ZZEF1: variants seen among roughly 807,000 people sequenced by gnomAD.
ZZEF1 encodes the protein zinc finger ZZ-type and EF-hand domain-containing protein 1.
Under a neutral mutation model 342.8 loss-of-function variants are expected in ZZEF1, and 157 were observed. The ratio of observed to expected loss-of-function variants is 0.46; its 90% CI spans 0.40 to 0.52. The LOEUF (loss-of-function observed/expected upper bound fraction) is 0.52. ZZEF1 is among the 20% of genes least tolerant of loss of function. ZZEF1 has a pLI of 0.00. For missense variants in ZZEF1, 3,480 were observed against 3,725.6 expected, an observed-to-expected ratio of 0.93 and a Z score of 1.72; for synonymous variants, 1,505 against 1,429.1, an observed-to-expected ratio of 1.05 and a Z score of -1.20.
intron 39 of ZZEF1, among the ~76,000 whole-genome samples, chr17:4,036,575 T>C (rs565265612): frequency 3.3e-5 from 5 of 151,618 alleles, no homozygotes; most frequent in Non-Finnish European, 7.4e-5. Context: ...TCTCTACTAA[T>C]ACAAAAATTA....
chr17:4,021,076 G>A (rs2056256849), intron 45 of ZZEF1, 53 bp downstream of exon 45: 1 of 1,526,320 alleles, frequency 6.6e-7, no homozygotes, highest in Non-Finnish European at 8.8e-7. Flanking sequence ...GGGCCAAAGA[G>A]AAGCCATCCC....
At chr17:4,075,939 C>T (rs2145300942) in intron 21 of ZZEF1, 1 of 152,720 alleles carries the variant, frequency 6.5e-6, no homozygotes, top group Admixed American at 6.5e-5. Context: ...GAAGCTCACA[C>T]AAGACAGTGA....
rs185810389 is a variant in ZZEF1, at chr17:4,047,023, G to C, written c.6016-2649C>G. 3.1e-3 allele frequency among the ~76,000 whole-genome samples: 465 copies of C among 152,292 alleles called. 2 individuals are homozygous for C. Among genetic ancestry groups the C allele is most frequent in the African/African-American group, 0.01 (427 of 41,548 alleles). On this transcript the variant is annotated intron_variant, in intron 37 of 54. Transcript: ENST00000381638. Reference sequence around the variant, plus strand: ...TGGCAACACTCAGGTTCAGTTGTGGGGACAGTGCTGGAAATTGCTTGCAGC... The same window carrying C: ...TGGCAACACTCAGGTTCAGTTGTGGCGACAGTGCTGGAAATTGCTTGCAGC...
Position 4,017,314 on chromosome 17 carries a change from C to T in ZZEF1, c.8001+57G>A. The T allele has an allele frequency of 6.5e-7, 1 of 1,538,102 alleles. No individual in the cohort carries two copies. The highest frequency in any genetic ancestry group is 8.8e-7 in the Non-Finnish European group (1 of 1,142,618). On this transcript the variant is annotated intron_variant, in intron 48 of 54. Transcript: ENST00000381638. This position sits in a 1 kb window ranked among gnomAD's most constrained non-coding sequence, Gnocchi z 5.1. ...TCCAGGAAGCACTCACTGGAGGAAGCCTGTGGGGCAGAGGAAGAACCTGGT... is the reference window on the plus strand; with the variant it reads ...TCCAGGAAGCACTCACTGGAGGAAGTCTGTGGGGCAGAGGAAGAACCTGGT...
At chr17:4,098,170 G>A (rs549062700) in intron 9 of ZZEF1, among the ~76,000 whole-genome samples, 8 of 151,468 alleles carry the variant, frequency 5.3e-5, no homozygotes, top group South Asian at 4.2e-4. Context: ...CCCGGGAGGC[G>A]GAGGATGCAG....
chr17:4,021,400 T>A, intron 44 of ZZEF1, 80 bp from the exon 45 acceptor site: 1 of 1,166,830 alleles, frequency 8.6e-7, no homozygotes, highest in Non-Finnish European at 1.2e-6. Context: ...ATGAAAATAT[T>A]GGGCCTAACT....
At chr17:4,074,384 G>A in intron 23 of ZZEF1, 33 bp from the exon 24 acceptor site, 1 of 1,608,002 alleles carries the variant, frequency 6.2e-7, no homozygotes, top group African/African-American at 1.3e-5. Context: ...TGGTCAGACA[G>A]ATTAGAGGAG....
chr17:4,038,579 T>C (rs866862151), intron 39 of ZZEF1, among the ~76,000 whole-genome samples: 1 of 151,676 alleles, frequency 6.6e-6, no homozygotes, highest in Non-Finnish European at 1.5e-5. Context: ...CCGAGGTGGG[T>C]GGATCACTGG....
chr17:4,093,693 T>G (rs2057985670), intron 11 of ZZEF1, among the ~76,000 whole-genome samples: 1 of 152,118 alleles, frequency 6.6e-6, no homozygotes, highest in Non-Finnish European at 1.5e-5. Flanking sequence ...ACACTAAAGC[T>G]CAAGGAGTAC....
intron 16 of ZZEF1, among the ~76,000 whole-genome samples, chr17:4,083,238 C>T (rs2057757033): frequency 6.6e-6 from 1 of 152,218 alleles, no homozygotes; most frequent in African/African-American, 2.4e-5. Context: ...TGAGAAGACA[C>T]CAATGTCATT....
At chr17:4,059,069 T>C (rs1016397593) in intron 31 of ZZEF1, 102 bp downstream of exon 31, 13 of 1,017,766 alleles carry the variant, frequency 1.3e-5, no homozygotes, top group Non-Finnish European at 1.6e-5. Flanking sequence ...TTTTATTTTA[T>C]TCTTTGTGCT....
chr17:4,035,786 G>C (rs1184302725), intron 39 of ZZEF1, among the ~76,000 whole-genome samples: 1 of 152,158 alleles, frequency 6.6e-6, no homozygotes, highest in Non-Finnish European at 1.5e-5. Flanking sequence ...GGGGCAACCT[G>C]GATTAGAGAG....
intron 3 of ZZEF1, among the ~76,000 whole-genome samples, chr17:4,115,515 C>T (rs903545100): frequency 6.6e-6 from 1 of 151,850 alleles, no homozygotes; most frequent in Non-Finnish European, 1.5e-5. Context: ...ATACAAAAAC[C>T]AGCCAGGCAC....
intron 1 of ZZEF1, among the ~76,000 whole-genome samples, chr17:4,137,359 C>T (rs1372441484): frequency 6.6e-6 from 1 of 152,172 alleles, no homozygotes; most frequent in Non-Finnish European, 1.5e-5. Flanking sequence ...GCCTGTAATC[C>T]CAGCACTTTG....
rs1282023460 is a variant in ZZEF1 at position 4,006,751 on chromosome 17, T to C, written c.*139A>G. 1 of 865,770 alleles carries C rather than the reference T, an allele frequency of 1.2e-6. No homozygotes were observed. Among genetic ancestry groups the C allele is most frequent in the Non-Finnish European group, 1.9e-6 (1 of 529,106 alleles). The allele number at this position is 865,770 out of a possible 1,614,324, so 53.6% of individuals were successfully genotyped here. A position where few individuals can be genotyped will look rare whatever the true frequency, so the allele number is the denominator to read the frequency against. On this transcript the variant is annotated 3_prime_UTR_variant, in exon 55 of 55. Coordinates refer to ENST00000381638, the MANE Select transcript of ZZEF1 (RefSeq NM_015113.4). ...GCACGGGAGCTCTTGGAGACGTGGC[T>C]GCTTGGCATCCTAACTGGAGTGGTC...
intron 7 of ZZEF1, 83 bp from the exon 8 acceptor site, chr17:4,104,894 A>G: frequency 1.7e-6 from 2 of 1,205,770 alleles, no homozygotes; most frequent in South Asian, 3.0e-5. Flanking sequence ...AGTGATCAAC[A>G]CAAGTAACAT....
chr17:4,077,900 A>G lies in ZZEF1; in HGVS notation c.2972T>C (p.Val991Ala). The G allele has an allele frequency of 6.2e-7, 1 of 1,614,094 alleles. No individual in the cohort carries two copies. Residue 991 changes from valine (V) to alanine (A), a missense_variant, in exon 19 of 55, where the codon GTG becomes GCG. Physicochemically the swap from Val to Ala is moderately conservative, Grantham distance 64. This residue lies in a region of ZZEF1 where 1,528 missense variants were observed against 1,624.1 expected (regional missense o/e 0.94). Coordinates refer to ENST00000381638, the MANE Select transcript of ZZEF1 (RefSeq NM_015113.4). The part of the protein sequence containing the change: ...STDSGAKDLA[V>A]DLIEKYVGQF... ...AAACTCACATTTTTCAATAAGGTCC[A>G]CGGCAAGATCTTTGGCTCCAGAGTC...
chr17:4,029,132 G>A (rs1479357343), intron 42 of ZZEF1, among the ~76,000 whole-genome samples: 1 of 152,098 alleles, frequency 6.6e-6, no homozygotes, highest in Non-Finnish European at 1.5e-5. Flanking sequence ...ACATCTATAG[G>A]ATACTCCACC....
chr17:4,107,840 CCT>C (rs1410195450), intron 6 of ZZEF1, among the ~76,000 whole-genome samples: 2 of 151,996 alleles, frequency 1.3e-5, no homozygotes, highest in Non-Finnish European at 2.9e-5. Flanking sequence ...CTAAAGAGCC[CCT>C]GATTCAGAAA....
Sources: gnomAD v4.1 joint callset for allele counts (sites outside exome capture counted in the v4.1 genomes callset) on GRCh38, gnomAD v4.1.1 for gene constraint, gnomAD v4.1.1 regional missense constraint, Gnocchi (gnomAD v3.1) non-coding constraint, MANE v1.5 for transcripts, NCBI Gene and HGNC (gene_info 2026-07-23, HGNC 2026-07-21) for gene names.